The following KANK1 variants were observed in gnomAD, a reference collection of about 807,000 sequenced individuals.
KANK1 encodes KN motif and ankyrin repeat domain-containing protein 1.
A neutral mutation model predicts 106.2 loss-of-function variants in KANK1; 109 were observed. That is an observed-to-expected ratio of 1.03 (90% CI 0.88 to 1.20). The LOEUF (loss-of-function observed/expected upper bound fraction) is 1.20, where lower values mean the gene tolerates loss of function less well. Among genes scored for constraint, KANK1 ranks in the 50% most tolerant of loss-of-function variants. The pLI is 0.00. For synonymous variants in KANK1, 873 were observed against 652.2 expected (o/e 1.34, Z -5.16); for missense variants, 2,399 against 1,710.7 (o/e 1.40, Z -7.10).
chr9:581,428 C>G (rs1162419320), intron 1 of KANK1, among the ~76,000 whole-genome samples: 2 of 152,190 alleles, frequency 1.3e-5, no homozygotes, highest in Admixed American at 6.5e-5. Context: ...TAAAAGTGTC[C>G]TTTATTCTGA....
chr9:736,149 C>T (rs897037497), intron 7 of KANK1, among the ~76,000 whole-genome samples: 74 of 152,158 alleles, frequency 4.9e-4, no homozygotes, highest in African/African-American at 1.7e-3. Context: ...TAGTAGAGAC[C>T]GGGTTTCACC....
At chr9:499,463 C>T (rs527514736) in intron 3 of KANK1, among the ~76,000 whole-genome samples, 1 of 152,298 alleles carries the variant, frequency 6.6e-6, no homozygotes, top group Admixed American at 6.5e-5. Context: ...GCTGGCATCC[C>T]TGGGCCCAAT....
chr9:693,935 G>A (rs1820593605), intron 2 of KANK1: 2 of 619,354 alleles, frequency 3.2e-6, no homozygotes, highest in Non-Finnish European at 4.0e-6. Context: ...TTGATTTTTG[G>A]TCCAGTGAAA....
chr9:690,975 G>A (rs897578804), intron 2 of KANK1, among the ~76,000 whole-genome samples: 3 of 152,168 alleles, frequency 2.0e-5, no homozygotes, highest in Non-Finnish European at 2.9e-5. Context: ...ATCTTACTTG[G>A]CTTCTTTCTT....
chr9:546,139 C>T (rs1417641971), intron 1 of KANK1, among the ~76,000 whole-genome samples: 3 of 152,138 alleles, frequency 2.0e-5, no homozygotes, highest in Admixed American at 6.5e-5. Flanking sequence ...GGGACTTCAG[C>T]TCTTATGTGC....
chr9:649,963 C>T (rs761639348), intron 1 of KANK1, among the ~76,000 whole-genome samples: 3 of 152,048 alleles, frequency 2.0e-5, no homozygotes, highest in Non-Finnish European at 4.4e-5. Flanking sequence ...GGTTCAAAAG[C>T]CTAGAGAGAA....
Position 676,969 on chromosome 9 carries a change from C to T in KANK1, c.-4C>T, listed in dbSNP as rs1816537490. ...TCTGGATCTCTCATTGGACTCAAGC[C>T]AGCATGGCTCACACCACAAAGGTTA... is the stretch of plus-strand genomic sequence containing the variant. On this transcript the variant is annotated 5_prime_UTR_variant, in exon 2 of 12. An upstream open reading frame in the 5' UTR gains an earlier in-frame stop. Coordinates refer to ENST00000382297, the MANE Select transcript of KANK1 (RefSeq NM_015158.5). The T allele has an allele frequency of 6.2e-7, 1 of 1,613,540 alleles. No individual in the cohort carries two copies. The highest frequency in any genetic ancestry group is 1.3e-5 in the African/African-American group (1 of 74,876).
intron 1 of KANK1, chr9:540,817 A>C (rs552777939): frequency 6.6e-6 from 1 of 152,208 alleles, no homozygotes; most frequent in Non-Finnish European, 1.5e-5. Flanking sequence ...ATATTTGTCT[A>C]TAGTAGTATC....
upstream of KANK1, among the ~76,000 whole-genome samples, chr9:503,692 A>G (rs1362808596): frequency 3.3e-5 from 5 of 152,114 alleles, no homozygotes; most frequent in Non-Finnish European, 5.9e-5. Context: ...TTTTTTGAGT[A>G]ATACCTGGTT....
intron 2 of KANK1, among the ~76,000 whole-genome samples, chr9:705,410 A>G (rs1329069988): frequency 2.0e-5 from 3 of 152,026 alleles, no homozygotes; most frequent in Non-Finnish European, 2.9e-5. Flanking sequence ...CCCTTGAACC[A>G]GGGAGGTGGA....
At chr9:538,401 T>C (rs10975042) in intron 1 of KANK1, among the ~76,000 whole-genome samples, 30,892 of 152,070 alleles carry the variant, frequency 0.2, 3,552 homozygotes, top group East Asian at 0.32. Context: ...TTATCAGTTC[T>C]CCAGGAAGAA....
intron 3 of KANK1, among the ~76,000 whole-genome samples, chr9:483,431 G>A (rs2058241146): frequency 6.6e-6 from 1 of 152,220 alleles, no homozygotes; most frequent in South Asian, 2.1e-4. Flanking sequence ...ATCCTAATGT[G>A]TAGAGAACAT....
chr9:527,629 C>T (rs2059853478), intron 1 of KANK1, among the ~76,000 whole-genome samples: 1 of 151,358 alleles, frequency 6.6e-6, no homozygotes, highest in Non-Finnish European at 1.5e-5. Context: ...AGAGCATTGG[C>T]CAACAGCTTC....
In KANK1 at chr9:707,234, G is replaced by A. The variant is rs116910200; in HGVS notation, c.38-3570G>A. The A allele has an allele frequency of 4.4e-3, 4,306 of 986,212 alleles. 309 individuals are homozygous for A. In the East Asian group the frequency reaches 0.21, roughly 48 times the overall value. The allele number at this position is 986,212 out of a possible 1,614,324, so 61.1% of individuals were successfully genotyped here. A position where few individuals can be genotyped will look rare whatever the true frequency, so the allele number is the denominator to read the frequency against. On this transcript the variant is annotated intron_variant, in intron 2 of 11. Transcript: ENST00000382297. ...GCAGCGCGGGCTGGCGGGGAGCGCGGCGGGCGCCACGTGGTAGGTGAGCTG... is the reference window on the plus strand; with the variant it reads ...GCAGCGCGGGCTGGCGGGGAGCGCGACGGGCGCCACGTGGTAGGTGAGCTG...
At chr9:599,520 A>G (rs994638643) in intron 1 of KANK1, among the ~76,000 whole-genome samples, 3 of 151,690 alleles carry the variant, frequency 2.0e-5, no homozygotes, top group Non-Finnish European at 4.4e-5. Flanking sequence ...CTAAATTTTA[A>G]CTTACTATTT....
chr9:696,208 C>T (rs558170631), intron 2 of KANK1, among the ~76,000 whole-genome samples: 8 of 151,040 alleles, frequency 5.3e-5, no homozygotes, highest in South Asian at 2.1e-4. Context: ...GGCGTGAACC[C>T]GGGAGGCGGA....
At chr9:693,466 T>C (rs1820478790) in intron 2 of KANK1, 1 of 985,378 alleles carries the variant, frequency 1.0e-6, no homozygotes, top group South Asian at 4.7e-5. Flanking sequence ...GCATTTCATA[T>C]GCCTGAAGAG....
intron 1 of KANK1, among the ~76,000 whole-genome samples, chr9:524,182 A>C (rs1278864592): frequency 6.6e-6 from 1 of 151,810 alleles, no homozygotes; most frequent in Non-Finnish European, 1.5e-5. Flanking sequence ...GCCAGGAACT[A>C]AGTGTCATGC....
chr9:715,589 T>A (rs1001408079), intron 3 of KANK1, among the ~76,000 whole-genome samples: 2 of 152,174 alleles, frequency 1.3e-5, no homozygotes, highest in Non-Finnish European at 2.9e-5. Context: ...ATGCCACACA[T>A]CACTGGTTAG....
Sources: gnomAD v4.1 joint callset for allele counts (sites outside exome capture counted in the v4.1 genomes callset) on GRCh38, gnomAD v4.1.1 for gene constraint, MANE v1.5 for transcripts, NCBI Gene and HGNC (gene_info 2026-07-23, HGNC 2026-07-21) for gene names.